SLC4A5: variants seen among roughly 807,000 people sequenced by gnomAD.
The protein encoded by SLC4A5 is solute carrier family 4 member 5, also known as electrogenic sodium bicarbonate cotransporter 4.
A neutral mutation model predicts 120.4 loss-of-function variants in SLC4A5; 96 were observed. The ratio of observed to expected loss-of-function variants is 0.80; its 90% CI spans 0.68 to 0.94. The LOEUF is 0.94. Among genes scored for constraint, SLC4A5 ranks in the 40% least tolerant of loss-of-function variants. The pLI is 0.00. For missense variants in SLC4A5, 1,259 were observed against 1,459.5 expected, an observed-to-expected ratio of 0.86 and a Z score of 2.24; for synonymous variants, 550 against 571.1, an observed-to-expected ratio of 0.96 and a Z score of 0.53.
chr2:74,227,434 A>C (rs1180409611), intron 26 of SLC4A5: 2 of 1,516,604 alleles, frequency 1.3e-6, no homozygotes, highest in Non-Finnish European at 1.8e-6. Context: ...CTGGGATTTC[A>C]CAGTAAATAC....
intron 8 of SLC4A5, among the ~76,000 whole-genome samples, chr2:74,273,381 C>G (rs1671537220): frequency 6.6e-6 from 1 of 152,166 alleles, no homozygotes. Flanking sequence ...TATGTTGCCT[C>G]CAAACATTTG....
intron 8 of SLC4A5, among the ~76,000 whole-genome samples, chr2:74,279,456 CG>C (rs1671743201): frequency 6.6e-6 from 1 of 152,244 alleles, no homozygotes; most frequent in African/African-American, 2.4e-5. Flanking sequence ...CAGTCTCTTT[CG>C]TGGGTTCCTC....
intron 29 of SLC4A5, 67 bp from the exon 30 acceptor site, chr2:74,221,568 C>G (rs1377490221): frequency 6.7e-7 from 1 of 1,488,160 alleles, no homozygotes; most frequent in Non-Finnish European, 9.4e-7. Flanking sequence ...CGGGCTTCCC[C>G]CACCATTTCC....
chr2:74,221,749 A>C (rs988963751), intron 29 of SLC4A5, among the ~76,000 whole-genome samples: 21 of 151,976 alleles, frequency 1.4e-4, no homozygotes, highest in African/African-American at 4.3e-4. Flanking sequence ...GTGGGGGAGG[A>C]GTCTGAGAAA....
chr2:74,217,070 G>A (rs1694467593), exon 31 of SLC4A5: 1 of 152,176 alleles, frequency 6.6e-6, no homozygotes, highest in Admixed American at 6.5e-5. Flanking sequence ...CTATGGACCA[G>A]GCACTACACT....
chr2:74,273,711 A>G (rs1449525403), intron 8 of SLC4A5, among the ~76,000 whole-genome samples: 1 of 152,252 alleles, frequency 6.6e-6, no homozygotes, highest in African/African-American at 2.4e-5. Flanking sequence ...ATATCAGGAT[A>G]CTGAATTTCC....
chr2:74,217,259 G>T (rs1287940550), exon 31 of SLC4A5: 1 of 152,214 alleles, frequency 6.6e-6, no homozygotes, highest in Non-Finnish European at 1.5e-5. Flanking sequence ...TTTGGAGAAA[G>T]TAAGTGTCAG....
At chr2:74,341,716 G>A (rs1673631001) in intron 2 of SLC4A5, among the ~76,000 whole-genome samples, 1 of 152,232 alleles carries the variant, frequency 6.6e-6, no homozygotes, top group African/African-American at 2.4e-5. Context: ...AAAAGAGTCT[G>A]TGATCTAGGA....
intron 7 of SLC4A5, among the ~76,000 whole-genome samples, chr2:74,296,310 G>GA (rs1460832823): frequency 6.6e-6 from 1 of 152,052 alleles, no homozygotes; most frequent in African/African-American, 2.4e-5. Context: ...GGGTTGGGGG[G>GA]AGCATAAAAG....
At chr2:74,333,799 C>T (rs1189009595) in intron 4 of SLC4A5, among the ~76,000 whole-genome samples, 2 of 152,202 alleles carry the variant, frequency 1.3e-5, no homozygotes, top group Non-Finnish European at 2.9e-5. Flanking sequence ...GGCTAAATGC[C>T]ATCTGAACCC....
intron 28 of SLC4A5, among the ~76,000 whole-genome samples, chr2:74,224,382 C>T (rs1006476291): frequency 1.3e-5 from 2 of 152,144 alleles, no homozygotes; most frequent in Admixed American, 6.5e-5. Context: ...TAGGCAAAGG[C>T]GCAAGCAAAA....
intron 8 of SLC4A5, among the ~76,000 whole-genome samples, chr2:74,282,343 G>A (rs1181762520): frequency 1.3e-5 from 2 of 152,232 alleles, no homozygotes; most frequent in Non-Finnish European, 2.9e-5. Flanking sequence ...CCGCAAGCTG[G>A]CCTTCAAGCT....
In SLC4A5 at chr2:74,247,034, A is replaced by C; in HGVS notation, c.2059+2T>G. The C allele has an allele frequency of 6.2e-7, 1 of 1,613,186 alleles. No individual in the cohort carries two copies. Among genetic ancestry groups the C allele is most frequent in the Non-Finnish European group, 8.5e-7 (1 of 1,179,270 alleles). ...CACGGCATGTCTGGGGTTACCGGTC[A>C]CCTGTGTCAGGGGCGACACACTCGC... On this transcript the variant is annotated splice_donor_variant, in intron 19 of 30. Transcript: ENST00000394019. LOFTEE classifies it high-confidence loss of function.
chr2:74,226,882 G>A (rs1264865838), intron 27 of SLC4A5, 75 bp downstream of exon 27: 17 of 1,507,300 alleles, frequency 1.1e-5, no homozygotes, highest in Non-Finnish European at 1.5e-5. Flanking sequence ...GTGGCAGGAG[G>A]GGAGGTTGCG....
Position 74,254,519 on chromosome 2 carries a change from G to A in SLC4A5, c.1113+100C>T. ...CTATGTAGTGCCTGGTACACAGTAG[G>A]TGCTCAAATGTGCTGGCTGGATAAG... is the stretch of plus-strand genomic sequence containing the variant. On this transcript the variant is annotated intron_variant, in intron 14 of 30. Coordinates refer to ENST00000394019, the Ensembl canonical transcript of SLC4A5. 3 of 869,222 alleles carry A rather than the reference G, an allele frequency of 3.5e-6. No homozygotes were observed. The South Asian group carries it at 4.2e-5, about 12-fold the overall frequency. 53.8% of individuals were successfully genotyped at this position (869,222 alleles called of 1,614,324 possible). A position where few individuals can be genotyped will look rare whatever the true frequency, so the allele number is the denominator to read the frequency against.
At chr2:74,281,723 T>G (rs1671820370) in intron 8 of SLC4A5, among the ~76,000 whole-genome samples, 1 of 152,152 alleles carries the variant, frequency 6.6e-6, no homozygotes, top group South Asian at 2.1e-4. Context: ...TCCCCCAAAC[T>G]AATAACTCCC....
chr2:74,279,001 G>GC (rs1477245143), intron 8 of SLC4A5, among the ~76,000 whole-genome samples: 1 of 152,190 alleles, frequency 6.6e-6, no homozygotes, highest in African/African-American at 2.4e-5. Context: ...CCTGCTAGGA[G>GC]CCCCTCCACC....
At chr2:74,286,859 G>A (rs542462493) in intron 7 of SLC4A5, among the ~76,000 whole-genome samples, 1 of 152,274 alleles carries the variant, frequency 6.6e-6, no homozygotes, top group South Asian at 2.1e-4. Flanking sequence ...CAGACACCCT[G>A]TGGTGGAAAC....
At chr2:74,251,610 A>G in intron 16 of SLC4A5, among the ~76,000 whole-genome samples, 1 of 152,262 alleles carries the variant, frequency 6.6e-6, no homozygotes, top group East Asian at 1.9e-4. Context: ...AGATTAAGTC[A>G]TTATGGTGGG....
Sources: allele counts gnomAD v4.1 joint callset (sites outside exome capture counted in the v4.1 genomes callset), GRCh38; gene constraint gnomAD v4.1.1; transcripts MANE v1.5; gene names NCBI Gene and HGNC (gene_info 2026-07-23, HGNC 2026-07-21).